Variants in KHDRBS2 observed in about 807,000 individuals in gnomAD.
KHDRBS2 encodes the protein KH domain-containing, RNA-binding, signal transduction-associated protein 2.
A neutral mutation model predicts 44.3 loss-of-function variants in KHDRBS2; 26 were observed. The ratio of observed to expected loss-of-function variants is 0.59; its 90% CI spans 0.43 to 0.81. The LOEUF is 0.81. Among genes scored for constraint, KHDRBS2 ranks in the 40% least tolerant of loss-of-function variants. KHDRBS2 has a pLI of 0.00. For missense variants in KHDRBS2, 476 were observed against 433.1 expected (o/e 1.10, Z -0.88); for synonymous variants, 194 against 151.1 (o/e 1.28, Z -2.08).
rs1787974101 is a variant in KHDRBS2 at position 61,810,655 on chromosome 6, A to G, written c.811-77891T>C. Among the ~76,000 whole-genome samples the G allele has an allele frequency of 2.6e-5, 4 of 152,172 alleles. No individual in the cohort carries two copies. In the South Asian group the frequency reaches 8.3e-4, roughly 31 times the overall value. On this transcript the variant is annotated intron_variant, in intron 6 of 8. Coordinates refer to ENST00000281156, the MANE Select transcript of KHDRBS2 (RefSeq NM_152688.4). ...ATAGATTATCAAATATGTACTGCTT[A>G]TTACACATTTAAAAAGAAAATAAAG...
At chr6:61,908,072 C>T (rs1181205994) in intron 4 of KHDRBS2, among the ~76,000 whole-genome samples, 1 of 151,980 alleles carries the variant, frequency 6.6e-6, no homozygotes, top group East Asian at 1.9e-4. Flanking sequence ...ATTTTATGCT[C>T]AACTTGCTAA....
At chr6:61,582,502 T>C in the KHDRBS2 span, among the ~76,000 whole-genome samples, 12 of 151,912 alleles carry the variant, frequency 7.9e-5, no homozygotes, top group Admixed American at 2.6e-4. Context: ...ATAAAGTGAT[T>C]CAGAGAAGAG....
chr6:62,272,598 T>C (rs574977053), intron 1 of KHDRBS2, among the ~76,000 whole-genome samples: 1 of 152,266 alleles, frequency 6.6e-6, no homozygotes, highest in East Asian at 1.9e-4. Context: ...AATTTCTGTA[T>C]TGAGTATTGG....
chr6:61,926,580 C>T (rs1449278326), intron 4 of KHDRBS2, among the ~76,000 whole-genome samples: 3 of 152,104 alleles, frequency 2.0e-5, no homozygotes, highest in Non-Finnish European at 4.4e-5. Context: ...AAGTCCAAAT[C>T]ATAGCACTCA....
chr6:61,651,523 G>T, the KHDRBS2 span, among the ~76,000 whole-genome samples: 2 of 152,082 alleles, frequency 1.3e-5, no homozygotes, highest in African/African-American at 4.8e-5. Flanking sequence ...TGCTCAAAAA[G>T]TTTCAGATTT....
At chr6:62,266,208 C>A (rs1305929523) in intron 1 of KHDRBS2, among the ~76,000 whole-genome samples, 1 of 152,014 alleles carries the variant, frequency 6.6e-6, no homozygotes, top group African/African-American at 2.4e-5. Flanking sequence ...ATTATAGCAT[C>A]CTATGCATTG....
chr6:62,188,409 T>C (rs1266156592), intron 1 of KHDRBS2, among the ~76,000 whole-genome samples: 2 of 152,244 alleles, frequency 1.3e-5, no homozygotes, highest in East Asian at 3.9e-4. Context: ...GTAGCGATTG[T>C]CCTTCTGTGA....
At chr6:62,063,197 G>C (rs1211413675) in intron 2 of KHDRBS2, among the ~76,000 whole-genome samples, 8 of 116,902 alleles carry the variant, frequency 6.8e-5, no homozygotes, top group Non-Finnish European at 1.4e-4. Flanking sequence ...TTCTACCAGA[G>C]GTACACGGAG....
chr6:62,091,065 T>A lies in KHDRBS2; in HGVS notation c.220-43071A>T, dbSNP rs1799408877. Among the ~76,000 whole-genome samples the A allele has an allele frequency of 2.0e-5, 3 of 152,150 alleles. No homozygotes were observed. The South Asian group carries it at 6.2e-4, about 32-fold the overall frequency. The stretch of plus-strand genomic sequence containing the variant: ...CTGTTCATTGCAACCTAGCTGTTGC[T>A]CTGCCATCTGGAACAGAGCAAGAAT... On this transcript the variant is annotated intron_variant, in intron 2 of 8. Transcript: ENST00000281156.
At chr6:61,790,616 C>A (rs752584647) in intron 6 of KHDRBS2, among the ~76,000 whole-genome samples, 1 of 151,478 alleles carries the variant, frequency 6.6e-6, no homozygotes, top group African/African-American at 2.4e-5. Context: ...ACCTTGTGTT[C>A]TTGGGATAAA....
intron 2 of KHDRBS2, among the ~76,000 whole-genome samples, chr6:62,050,891 A>G (rs1348474901): frequency 6.6e-6 from 1 of 152,086 alleles, no homozygotes; most frequent in Non-Finnish European, 1.5e-5. Flanking sequence ...AGATGTAAAC[A>G]AGTGCTCATC....
intron 2 of KHDRBS2, among the ~76,000 whole-genome samples, chr6:62,095,179 G>C (rs1013245049): frequency 1.3e-5 from 2 of 151,674 alleles, no homozygotes; most frequent in African/African-American, 2.4e-5. Flanking sequence ...AAGAAATAAA[G>C]AAAGCAATCC....
At chr6:61,901,204 G>A in intron 5 of KHDRBS2, 40 bp downstream of exon 5, 1 of 1,596,884 alleles carries the variant, frequency 6.3e-7, no homozygotes, top group Non-Finnish European at 8.5e-7. Flanking sequence ...AAAAAGGCCT[G>A]CCATCATCCT....
At chr6:62,106,941 C>A (rs1385255930) in intron 2 of KHDRBS2, among the ~76,000 whole-genome samples, 1 of 151,874 alleles carries the variant, frequency 6.6e-6, no homozygotes, top group South Asian at 2.1e-4. Context: ...TGGGATATAT[C>A]TCAAAATAAT....
rs895285425 is a variant in KHDRBS2 at position 61,821,741 on chromosome 6, G to C, written c.810+72894C>G. 5.3e-5 allele frequency among the ~76,000 whole-genome samples: 8 copies of C among 151,820 alleles called. No individual in the cohort carries two copies. In the South Asian group the frequency reaches 1.0e-3, roughly 20 times the overall value. On this transcript the variant is annotated intron_variant, in intron 6 of 8. Coordinates refer to ENST00000281156, the MANE Select transcript of KHDRBS2 (RefSeq NM_152688.4). ...ATGAATTTATTTTAGCTAGGTTTTA[G>C]ATGTCCTATGGATTGCTTCCATTTT...
intron 7 of KHDRBS2, among the ~76,000 whole-genome samples, chr6:61,701,103 A>T (rs530363616): frequency 9.3e-4 from 142 of 152,028 alleles, no homozygotes; most frequent in Non-Finnish European, 1.5e-3. Flanking sequence ...GGCCCTTGTT[A>T]TGCCATTGCC....
At chr6:62,144,994 C>A (rs745945281) in intron 2 of KHDRBS2, among the ~76,000 whole-genome samples, 3 of 151,980 alleles carry the variant, frequency 2.0e-5, no homozygotes, top group Non-Finnish European at 4.4e-5. Context: ...AGATCCCCCA[C>A]TGCTGGTTCC....
intron 4 of KHDRBS2, among the ~76,000 whole-genome samples, chr6:61,948,623 A>C (rs1261296511): frequency 6.7e-6 from 1 of 150,244 alleles, no homozygotes; most frequent in Non-Finnish European, 1.5e-5. Context: ...TTAAGTTAAA[A>C]ATAATTGTGT....
intron 4 of KHDRBS2, among the ~76,000 whole-genome samples, chr6:61,966,938 T>C (rs1770092821): frequency 6.6e-6 from 1 of 151,934 alleles, no homozygotes; most frequent in Admixed American, 6.6e-5. Context: ...TAATTTAAAC[T>C]AAAAACATTC....
Sources: gnomAD v4.1 joint callset for allele counts (sites outside exome capture counted in the v4.1 genomes callset) on GRCh38, gnomAD v4.1.1 for gene constraint, MANE v1.5 for transcripts, NCBI Gene and HGNC (gene_info 2026-07-23, HGNC 2026-07-21) for gene names.